Variants in KCNH5 observed in about 807,000 individuals in gnomAD.
KCNH5 encodes potassium voltage-gated channel subfamily H member 5, also known as voltage-gated delayed rectifier potassium channel KCNH5.
Under a neutral mutation model 96.1 loss-of-function variants are expected in KCNH5, and 46 were observed. That is an observed-to-expected ratio of 0.48 (90% confidence interval 0.38 to 0.61). The LOEUF (loss-of-function observed/expected upper bound fraction) is 0.61. Among genes scored for constraint, KCNH5 ranks in the 20% least tolerant of loss-of-function variants. KCNH5 has a pLI of 0.00. For synonymous variants in KCNH5, 439 were observed against 449.8 expected (o/e 0.98, Z 0.30); for missense variants, 907 against 1,225.8 (o/e 0.74, Z 3.88).
chr14:62,879,783 T>C (rs559538114), intron 7 of KCNH5, among the ~76,000 whole-genome samples: 1 of 152,312 alleles, frequency 6.6e-6, no homozygotes, highest in East Asian at 1.9e-4. Context: ...TTGATCTTTT[T>C]CCATAGAATT....
chr14:62,781,082 A>G (rs188462147), intron 9 of KCNH5, among the ~76,000 whole-genome samples: 3 of 152,254 alleles, frequency 2.0e-5, no homozygotes, highest in African/African-American at 7.2e-5. Context: ...ATTTTCCCCA[A>G]GCATCAGCTG....
chr14:63,013,271 G>A (rs1455036691), intron 2 of KCNH5, among the ~76,000 whole-genome samples: 3 of 151,948 alleles, frequency 2.0e-5, no homozygotes, highest in Admixed American at 1.3e-4. Context: ...TTACCTAGTT[G>A]CCACTTTAAC....
At chr14:62,960,042 C>T (rs1749166315) in intron 6 of KCNH5, among the ~76,000 whole-genome samples, 1 of 152,192 alleles carries the variant, frequency 6.6e-6, no homozygotes, top group Non-Finnish European at 1.5e-5. Flanking sequence ...AGGCTTACCA[C>T]TCTAGCTCCG....
At chr14:62,761,429 C>T (rs1245451074) in intron 10 of KCNH5, among the ~76,000 whole-genome samples, 3 of 151,068 alleles carry the variant, frequency 2.0e-5, no homozygotes, top group Non-Finnish European at 4.4e-5. Context: ...AGCATGGAAG[C>T]TTTTCAAATA....
intron 10 of KCNH5, among the ~76,000 whole-genome samples, chr14:62,737,495 A>G (rs1885183485): frequency 6.6e-6 from 1 of 152,138 alleles, no homozygotes; most frequent in African/African-American, 2.4e-5. Flanking sequence ...CGTCTGTTAA[A>G]ATGAGAAGAA....
At chr14:62,712,675 G>A in intron 10 of KCNH5, 1 of 778,618 alleles carries the variant, frequency 1.3e-6, no homozygotes, top group South Asian at 1.4e-5. Context: ...TTCACACCCA[G>A]CAGGTCACCC....
Position 62,965,257 on chromosome 14 carries a change from T to C in KCNH5, c.943-14698A>G, listed in dbSNP as rs572565282. Among the ~76,000 whole-genome samples, 7 of 152,182 alleles carry C rather than the reference T, an allele frequency of 4.6e-5. No individual in the cohort carries two copies. In the South Asian group the frequency reaches 1.5e-3, roughly 32 times the overall value. On this transcript the variant is annotated intron_variant, in intron 6 of 10. Transcript: ENST00000322893. ...TCCCCAATGTGGTAGTGTTGGAACA[T>C]GGGGCCTAGTGGGAGGTGTTTGAGT...
chr14:62,906,200 A>G (rs1438805385), intron 7 of KCNH5, among the ~76,000 whole-genome samples: 1 of 152,196 alleles, frequency 6.6e-6, no homozygotes, highest in Non-Finnish European at 1.5e-5. Flanking sequence ...GAGCCAAAAC[A>G]TGTGCATTTC....
intron 7 of KCNH5, among the ~76,000 whole-genome samples, chr14:62,863,964 C>G (rs1888085678): frequency 6.6e-6 from 1 of 152,144 alleles, no homozygotes; most frequent in Non-Finnish European, 1.5e-5. Flanking sequence ...GGCCTCCTTT[C>G]TATTTACATC....
At chr14:62,925,910 G>C (rs183513185) in intron 7 of KCNH5, among the ~76,000 whole-genome samples, 17 of 152,028 alleles carry the variant, frequency 1.1e-4, no homozygotes, top group Admixed American at 1.0e-3. Context: ...TCAGATAAAA[G>C]TCCTTACAGT....
intron 7 of KCNH5, among the ~76,000 whole-genome samples, chr14:62,934,917 G>A (rs908372082): frequency 6.6e-6 from 1 of 152,108 alleles, no homozygotes; most frequent in African/African-American, 2.4e-5. Flanking sequence ...AACTATAGGA[G>A]GTAACAAGAG....
chr14:62,855,771 C>T (rs1256594064), intron 7 of KCNH5, among the ~76,000 whole-genome samples: 1 of 152,002 alleles, frequency 6.6e-6, no homozygotes, highest in African/African-American at 2.4e-5. Context: ...TGAAAGAATA[C>T]ACAATGTTAT....
intron 7 of KCNH5, among the ~76,000 whole-genome samples, chr14:62,874,245 C>CTTGTCA: frequency 6.6e-6 from 1 of 151,780 alleles, no homozygotes; most frequent in Non-Finnish European, 1.5e-5. Flanking sequence ...AAAAATGGCT[C>CTTGTCA]ATAATATTGA....
intron 7 of KCNH5, among the ~76,000 whole-genome samples, chr14:62,906,422 T>C (rs887836518): frequency 1.3e-5 from 2 of 152,136 alleles, no homozygotes; most frequent in Non-Finnish European, 2.9e-5. Context: ...AAAGGAAACA[T>C]AGAAGCTCAT....
intron 7 of KCNH5, among the ~76,000 whole-genome samples, chr14:62,852,027 C>T (rs757390910): frequency 5.3e-5 from 8 of 152,034 alleles, no homozygotes; most frequent in Admixed American, 4.6e-4. Context: ...TTAAGTTTGG[C>T]CTATTATAAA....
At chr14:62,802,958 A>G (rs1886694997) in intron 8 of KCNH5, among the ~76,000 whole-genome samples, 1 of 152,180 alleles carries the variant, frequency 6.6e-6, no homozygotes, top group Non-Finnish European at 1.5e-5. Context: ...CCTGGGCAAC[A>G]TGGTGAAACC....
intron 10 of KCNH5, among the ~76,000 whole-genome samples, chr14:62,774,811 A>G (rs990492293): frequency 7.9e-5 from 12 of 151,152 alleles, no homozygotes; most frequent in African/African-American, 2.9e-4. Flanking sequence ...CTTATTATTG[A>G]AAAAAAAACC....
chr14:62,737,496 A>G (rs1217146125), intron 10 of KCNH5, among the ~76,000 whole-genome samples: 1 of 152,162 alleles, frequency 6.6e-6, no homozygotes, highest in Non-Finnish European at 1.5e-5. Flanking sequence ...GTCTGTTAAA[A>G]TGAGAAGAAA....
chr14:62,852,330 T>A (rs1887823248), intron 7 of KCNH5, among the ~76,000 whole-genome samples: 1 of 152,206 alleles, frequency 6.6e-6, no homozygotes, highest in Non-Finnish European at 1.5e-5. Context: ...TCACTGCTTC[T>A]CATTTTCATG....
Sources: gnomAD v4.1 joint callset for allele counts (sites outside exome capture counted in the v4.1 genomes callset) on GRCh38, gnomAD v4.1.1 for gene constraint, MANE v1.5 for transcripts, NCBI Gene and HGNC (gene_info 2026-07-23, HGNC 2026-07-21) for gene names.